PRELID2: variants seen among roughly 807,000 people sequenced by gnomAD.
PRELID2 encodes the protein PRELI domain containing 2.
PRELID2 carries 25 observed loss-of-function variants against 28.4 expected under a neutral mutation model. The observed-to-expected ratio is 0.88, with a 90% CI of 0.64 to 1.23. The LOEUF (loss-of-function observed/expected upper bound fraction) is 1.23, where lower values mean the gene tolerates loss of function less well. Ranked by LOEUF, PRELID2 falls within the 50% of genes most tolerant of loss-of-function variation. The pLI, the probability that PRELID2 is intolerant of heterozygous loss-of-function variation, is 0.00. For missense variants in PRELID2, 201 were observed against 214.4 expected (o/e 0.94, Z 0.39); for synonymous variants, 76 against 71.6 (o/e 1.06, Z -0.31).
At chr5:145,316,221 C>T in the PRELID2 span, among the ~76,000 whole-genome samples, 3 of 152,114 alleles carry the variant, frequency 2.0e-5, no homozygotes, top group Admixed American at 1.3e-4. Context: ...GTGAAGAAAA[C>T]ATTAGTAATG....
chr5:145,230,328 C>T, the PRELID2 span, among the ~76,000 whole-genome samples: 1 of 152,108 alleles, frequency 6.6e-6, no homozygotes, highest in Non-Finnish European at 1.5e-5. Flanking sequence ...AATCCCAGCA[C>T]TTTGGGAGGC....
At chr5:145,749,621 C>A (rs1042429599) in intron 1 of PRELID2, among the ~76,000 whole-genome samples, 2 of 152,082 alleles carry the variant, frequency 1.3e-5, no homozygotes, top group Admixed American at 6.5e-5. Context: ...TGGGTATATA[C>A]CCTAAGGAAT....
intron 1 of PRELID2, among the ~76,000 whole-genome samples, chr5:145,582,834 C>A (rs906000848): frequency 6.6e-6 from 1 of 151,994 alleles, no homozygotes; most frequent in African/African-American, 2.4e-5. Flanking sequence ...ACCCCAGGAC[C>A]AGACAGATTT....
the PRELID2 span, among the ~76,000 whole-genome samples, chr5:145,256,931 A>T: frequency 6.6e-6 from 1 of 151,844 alleles, no homozygotes; most frequent in Non-Finnish European, 1.5e-5. Flanking sequence ...TTTTTTTAGA[A>T]AAAGCAACTT....
the PRELID2 span, among the ~76,000 whole-genome samples, chr5:145,282,257 G>A: frequency 6.6e-5 from 10 of 152,170 alleles, no homozygotes; most frequent in African/African-American, 2.2e-4. Flanking sequence ...ACCAAGTATA[G>A]AGTAAATGTT....
rs977518180 is a variant in PRELID2, at chr5:145,600,448, T to C, written n.71-127133A>G. ...AAAAAAAAAAAAATATATATATATA[T>C]ATATATGTATCTCACAGGTGTGATG... is the stretch of plus-strand genomic sequence containing the variant. On this transcript the variant is annotated intron_variant and non_coding_transcript_variant, in intron 1 of 2. Transcript: ENST00000510259. Among the ~76,000 whole-genome samples the C allele has an allele frequency of 2.1e-5, 3 of 145,160 alleles. 1 individual carries two copies. Among genetic ancestry groups the C allele is most frequent in the Non-Finnish European group, 4.5e-5 (3 of 67,258 alleles).
intron 5 of PRELID2, among the ~76,000 whole-genome samples, chr5:145,785,480 T>C (rs2149801290): frequency 6.6e-6 from 1 of 152,356 alleles, no homozygotes; most frequent in South Asian, 2.1e-4. Context: ...TACGATAGTA[T>C]GAGTGTTAGT....
At chr5:145,812,279 G>A (rs533120100) in intron 4 of PRELID2, among the ~76,000 whole-genome samples, 1 of 152,006 alleles carries the variant, frequency 6.6e-6, no homozygotes, top group South Asian at 2.1e-4. Context: ...AAAAAAAAGT[G>A]GACATACAGA....
At chr5:145,258,002 C>G in the PRELID2 span, among the ~76,000 whole-genome samples, 1 of 152,114 alleles carries the variant, frequency 6.6e-6, no homozygotes, top group African/African-American at 2.4e-5. Context: ...GCAGCACATC[C>G]CCCTTCACTC....
the PRELID2 span, among the ~76,000 whole-genome samples, chr5:145,336,132 C>A: frequency 6.6e-6 from 1 of 152,026 alleles, no homozygotes; most frequent in Admixed American, 6.5e-5. Context: ...TTGTTTTTTT[C>A]TTGTAAATTT....
chr5:145,399,271 G>C, the PRELID2 span, among the ~76,000 whole-genome samples: 2 of 152,084 alleles, frequency 1.3e-5, no homozygotes, highest in African/African-American at 4.8e-5. Context: ...TGATTACATG[G>C]GGGTTGGAAA....
In PRELID2 at chr5:145,709,112, A is replaced by G. The variant is rs1398962192; in HGVS notation, n.70+55819T>C. ...CCTTGAGCAAAACTAGCATAGGGCA[A>G]GACCTACAGTTGCTATTCTTGCGTC... On this transcript the variant is annotated intron_variant and non_coding_transcript_variant, in intron 1 of 2. Coordinates refer to the PRELID2 transcript ENST00000510259. Among the ~76,000 whole-genome samples the G allele has an allele frequency of 4.6e-5, 7 of 152,204 alleles. 1 individual carries two copies. Among genetic ancestry groups the G allele is most frequent in the Admixed American group, 4.6e-4 (7 of 15,278 alleles).
intron 1 of PRELID2, among the ~76,000 whole-genome samples, chr5:145,595,161 G>GAC (rs3038287): frequency 0.61 from 80,217 of 130,846 alleles, 24,740 homozygotes; most frequent in Non-Finnish European, 0.72. Flanking sequence ...AGTCATAATA[G>GAC]ACACACACAC....
the PRELID2 span, chr5:145,229,294 C>T: frequency 4.0e-6 from 3 of 750,620 alleles, no homozygotes; most frequent in Non-Finnish European, 4.9e-6. Flanking sequence ...GCCGCAGTGA[C>T]CTGATGGAAT....
chr5:145,330,496 T>A, the PRELID2 span, among the ~76,000 whole-genome samples: 1 of 152,192 alleles, frequency 6.6e-6, no homozygotes, highest in African/African-American at 2.4e-5. Context: ...CCTGGTTTAG[T>A]CTTGGGAGAG....
At chr5:145,446,206 TATA>T in the PRELID2 span, among the ~76,000 whole-genome samples, 5 of 152,056 alleles carry the variant, frequency 3.3e-5, no homozygotes, top group Non-Finnish European at 7.4e-5. Context: ...TATCACTATA[TATA>T]ATATGTATGG....
At chr5:145,505,702 A>G (rs540174820) in intron 1 of PRELID2, among the ~76,000 whole-genome samples, 2 of 152,188 alleles carry the variant, frequency 1.3e-5, no homozygotes, top group Non-Finnish European at 2.9e-5. Flanking sequence ...TTGCATTCCC[A>G]TGTTCATTGT....
chr5:145,380,818 A>T, the PRELID2 span, among the ~76,000 whole-genome samples: 1 of 152,134 alleles, frequency 6.6e-6, no homozygotes, highest in Non-Finnish European at 1.5e-5. Flanking sequence ...TGCCCCCACA[A>T]ATGCCTAAAA....
chr5:145,479,025 A>G (rs545774687), intron 1 of PRELID2, among the ~76,000 whole-genome samples: 62 of 152,338 alleles, frequency 4.1e-4, no homozygotes, highest in African/African-American at 1.4e-3. Flanking sequence ...AGACTTGACC[A>G]GAACCTGAAC....
Sources: allele counts gnomAD v4.1 joint callset (sites outside exome capture counted in the v4.1 genomes callset), GRCh38; gene constraint gnomAD v4.1.1; transcripts MANE v1.5; gene names NCBI Gene and HGNC (gene_info 2026-07-23, HGNC 2026-07-21).